ATP10B: variants seen among roughly 807,000 people sequenced by gnomAD.
ATP10B encodes phospholipid-transporting ATPase VB.
In ATP10B, 122 loss-of-function variants were observed where a neutral mutation model predicts 141.2. The ratio of observed to expected loss-of-function variants is 0.86; its 90% confidence interval spans 0.75 to 1.00. The LOEUF is 1.00. Among genes scored for constraint, ATP10B ranks in the 50% least tolerant of loss-of-function variants. The pLI is 0.00. For missense variants in ATP10B, 1,876 were observed against 1,825.3 expected (o/e 1.03, Z -0.51); for synonymous variants, 685 against 692.0 (o/e 0.99, Z 0.16).
intron 22 of ATP10B, among the ~76,000 whole-genome samples, chr5:160,595,137 G>T (rs1756587461): frequency 6.6e-6 from 1 of 152,292 alleles, no homozygotes; most frequent in East Asian, 1.9e-4. Context: ...CCACATAGTT[G>T]GAAGTAAAGC....
chr5:160,820,695 G>A (rs1581598208), intron 1 of ATP10B, among the ~76,000 whole-genome samples: 1 of 152,026 alleles, frequency 6.6e-6, no homozygotes, highest in East Asian at 1.9e-4. Context: ...CATTCATCAT[G>A]ACCAAGTGAG....
the ATP10B span, among the ~76,000 whole-genome samples, chr5:160,887,876 A>G: frequency 2.0e-5 from 3 of 151,150 alleles, no homozygotes; most frequent in Admixed American, 2.0e-4. Flanking sequence ...TTCTTACCCA[A>G]CTCTCTTCTT....
At position 160,606,947 on chromosome 5, in the gene ATP10B, T is replaced by G. The variant is rs761562566; in HGVS notation, c.2978A>C (p.Glu993Ala). The G allele has an allele frequency of 2.5e-5, 41 of 1,614,054 alleles. 1 individual carries two copies. The highest frequency in any genetic ancestry group is 3.3e-4 in the Middle Eastern group (2 of 6,084). ...PSITSEAVVP[E>A]AGLVIDGKTL... is the part of the protein sequence containing the mutation. ...CTTCCCATCGATGACCAATCCAGCT[T>G]CTGGAACCACAGCTTCTGAGGTGAT... The change falls in exon 19 of 26, where the codon GAA becomes GCA. Residue 993 changes from glutamate (E) to alanine (A), a missense_variant. Coordinates refer to ENST00000327245, the MANE Select transcript of ATP10B (RefSeq NM_025153.3).
chr5:160,628,320 C>G (rs1053661350), intron 13 of ATP10B, among the ~76,000 whole-genome samples: 4 of 152,182 alleles, frequency 2.6e-5, no homozygotes, highest in African/African-American at 9.7e-5. Context: ...CACTGGGGAA[C>G]AAGGGGAGTA....
chr5:160,764,828 A>G (rs182786979), intron 2 of ATP10B, among the ~76,000 whole-genome samples: 4 of 152,288 alleles, frequency 2.6e-5, no homozygotes, highest in Admixed American at 2.6e-4. Flanking sequence ...ACTCATCCAA[A>G]AAGTTCCTAG....
the ATP10B span, among the ~76,000 whole-genome samples, chr5:160,880,672 A>T: frequency 6.6e-6 from 1 of 152,212 alleles, no homozygotes; most frequent in Non-Finnish European, 1.5e-5. Flanking sequence ...TTGACAAATG[A>T]GCAAATATAA....
intron 5 of ATP10B, among the ~76,000 whole-genome samples, chr5:160,687,412 G>A (rs1327986876): frequency 6.6e-6 from 1 of 152,158 alleles, no homozygotes. Context: ...TTAAAGGAAA[G>A]GTGGCCCCCA....
At position 160,569,660 on chromosome 5, in the gene ATP10B, G is replaced by A. The variant is rs757734039; in HGVS notation, c.3774C>T (p.Leu1258=). ...KTWTIFHGVV[L]LGSFLMYFLV... ...GAAAGTACATCAGGAAGCTGCCGAG[G>A]AGCACGACTCCGTGGAAAATGGTCT... Residue 1258 remains leucine (L), a synonymous_variant, in exon 25 of 26, where the codon CTC becomes CTT. Transcript: ENST00000327245. The A allele has an allele frequency of 8.2e-6, 13 of 1,590,406 alleles. No homozygotes were observed. The African/African-American group carries it at 1.8e-4, about 22-fold the overall frequency.
At chr5:160,798,994 C>T (rs1282456715) in intron 1 of ATP10B, among the ~76,000 whole-genome samples, 1 of 152,050 alleles carries the variant, frequency 6.6e-6, no homozygotes, top group East Asian at 1.9e-4. Flanking sequence ...TCAGATGATC[C>T]ACCTGCCCGG....
At chr5:160,812,905 T>A (rs4516897) in intron 1 of ATP10B, among the ~76,000 whole-genome samples, 16,912 of 152,238 alleles carry the variant, frequency 0.11, 1,147 homozygotes, top group East Asian at 0.18. Flanking sequence ...CACAAGAAGG[T>A]TGTAGAACAC....
chr5:160,739,855 G>A (rs1561805308), intron 2 of ATP10B, among the ~76,000 whole-genome samples: 1 of 151,834 alleles, frequency 6.6e-6, no homozygotes, highest in Non-Finnish European at 1.5e-5. Flanking sequence ...TTTATTTTTA[G>A]AGACAGAGTC....
chr5:160,836,531 A>G (rs1183712553), intron 1 of ATP10B, among the ~76,000 whole-genome samples: 2 of 152,124 alleles, frequency 1.3e-5, no homozygotes, highest in Admixed American at 1.3e-4. Flanking sequence ...TTATCTTTCT[A>G]AAACTCTAGT....
At chr5:160,874,224 A>T in the ATP10B span, among the ~76,000 whole-genome samples, 1 of 148,880 alleles carries the variant, frequency 6.7e-6, no homozygotes, top group African/African-American at 2.5e-5. Flanking sequence ...TGGGTCCCTG[A>T]CCCCTGACCC....
intron 18 of ATP10B, among the ~76,000 whole-genome samples, chr5:160,609,937 A>C (rs1757620002): frequency 6.6e-6 from 1 of 152,200 alleles, no homozygotes; most frequent in East Asian, 1.9e-4. Flanking sequence ...TGGAGACATA[A>C]GCTTTAAAAT....
Position 160,688,787 on chromosome 5 carries a change from A to C in ATP10B, c.-48T>G. ...GTGGCCGGAACCTCAAAGGAGAGTG[A>C]TAAGTAGAATAGATGGGAGAGGTTC... On this transcript the variant is annotated 5_prime_UTR_variant, in exon 4 of 26. Transcript: ENST00000327245. 1 of 985,462 alleles carries C rather than the reference A, an allele frequency of 1.0e-6. No homozygotes were observed. The highest frequency in any genetic ancestry group is 1.2e-6 in the Non-Finnish European group (1 of 829,924). The allele number at this position is 985,462 out of a possible 1,614,324, so 61.0% of individuals were successfully genotyped here.
intron 6 of ATP10B, among the ~76,000 whole-genome samples, chr5:160,673,575 T>C (rs1315333604): frequency 6.6e-6 from 1 of 151,146 alleles, no homozygotes; most frequent in African/African-American, 2.4e-5. Flanking sequence ...CATCCCCATC[T>C]CCCCCCAACC....
At chr5:160,757,706 T>C (rs1280424662) in intron 2 of ATP10B, among the ~76,000 whole-genome samples, 2 of 152,006 alleles carry the variant, frequency 1.3e-5, no homozygotes, top group African/African-American at 4.8e-5. Context: ...GGGATATATA[T>C]GGTGGAGGTG....
At chr5:160,642,194 AT>A (rs1248211089) in intron 9 of ATP10B, among the ~76,000 whole-genome samples, 1 of 152,112 alleles carries the variant, frequency 6.6e-6, no homozygotes, top group Non-Finnish European at 1.5e-5. Flanking sequence ...TGGGTGAGTG[AT>A]CCTCTTTGTA....
intron 24 of ATP10B, among the ~76,000 whole-genome samples, chr5:160,570,540 C>T (rs1754811360): frequency 2.0e-5 from 3 of 152,162 alleles, no homozygotes. Context: ...GTTTTCCATC[C>T]TCCTGAATTA....
Sources: gnomAD v4.1 joint callset for allele counts (sites outside exome capture counted in the v4.1 genomes callset) on GRCh38, gnomAD v4.1.1 for gene constraint, MANE v1.5 for transcripts, NCBI Gene and HGNC (gene_info 2026-07-23, HGNC 2026-07-21) for gene names.